IHO1: variants seen among roughly 807,000 people sequenced by gnomAD.
IHO1 encodes interactor of HORMAD1 1.
In IHO1, 13 loss-of-function variants were observed where a neutral mutation model predicts 31.0. The observed-to-expected ratio is 0.42, with a 90% CI of 0.27 to 0.67. IHO1 has a LOEUF of 0.67. Ranked by LOEUF, IHO1 falls within the 30% of genes least tolerant of loss-of-function variation. The probability of loss-of-function intolerance (pLI) is 0.24; values close to 1 mark genes in which losing one functional copy is unlikely to be tolerated. For synonymous variants in IHO1, 221 were observed against 248.4 expected, an observed-to-expected ratio of 0.89 and a Z score of 1.04; for missense variants, 599 against 687.5, an observed-to-expected ratio of 0.87 and a Z score of 1.44.
At chr3:49,243,337 G>T (rs1234007076) in intron 4 of IHO1, among the ~76,000 whole-genome samples, 1 of 151,696 alleles carries the variant, frequency 6.6e-6, no homozygotes, top group Non-Finnish European at 1.5e-5. Flanking sequence ...TAGAGACGGG[G>T]TTTCAGCATG....
intron 1 of IHO1, among the ~76,000 whole-genome samples, chr3:49,200,212 C>T (rs2046034871): frequency 6.6e-6 from 1 of 152,090 alleles, no homozygotes; most frequent in Non-Finnish European, 1.5e-5. Flanking sequence ...CGGTGGCTCA[C>T]GCCACACTTT....
At chr3:49,211,006 G>GC (rs762232590) in intron 1 of IHO1, among the ~76,000 whole-genome samples, 1 of 116,716 alleles carries the variant, frequency 8.6e-6, no homozygotes, top group Non-Finnish European at 1.8e-5. Flanking sequence ...TCTCCATTTA[G>GC]TTTTTTTTTT....
chr3:49,244,358 T>A (rs905281253), intron 4 of IHO1, 46 bp from the exon 5 acceptor site: 1 of 1,146,500 alleles, frequency 8.7e-7, no homozygotes. Flanking sequence ...ACTTATCACT[T>A]CAATATTTCA....
chr3:49,232,245 C>T (rs1349288772), intron 2 of IHO1, among the ~76,000 whole-genome samples: 1 of 152,202 alleles, frequency 6.6e-6, no homozygotes, highest in Non-Finnish European at 1.5e-5. Context: ...GGATGAATCT[C>T]TCCCTGAAAC....
In IHO1 at chr3:49,256,104, C is replaced by T. The variant is rs756469754; in HGVS notation, c.637-30C>T. On this transcript the variant is annotated intron_variant, in intron 7 of 7. Coordinates refer to ENST00000452691, the MANE Select transcript of IHO1 (RefSeq NM_001135197.2). This position sits in a 1 kb window ranked among gnomAD's most constrained non-coding sequence, Gnocchi z 4.6. Reference sequence around the variant, plus strand: ...GTGCTTTCTGACTTGCACTGTCCATCACTGTCTTTCTCACTGCCTCTCTCC... The same window carrying T: ...GTGCTTTCTGACTTGCACTGTCCATTACTGTCTTTCTCACTGCCTCTCTCC... 11 of 1,561,276 alleles carry T rather than the reference C, an allele frequency of 7.0e-6. No individual in the cohort carries two copies. The East Asian group carries it at 9.0e-5, about 13-fold the overall frequency.
chr3:49,201,282 C>G (rs1163383617), intron 1 of IHO1, among the ~76,000 whole-genome samples: 1 of 151,500 alleles, frequency 6.6e-6, no homozygotes, highest in South Asian at 2.1e-4. Flanking sequence ...CATGAACCAC[C>G]GCACCCGGCC....
rs1347475472 is a variant in IHO1, at chr3:49,256,666, C to A, written c.1169C>A (p.Ala390Asp). The stretch of plus-strand genomic sequence containing the variant: ...GACAGGGACCTGGTTTCCCAAGGAG[C>A]CTCACAGCTCACATCATTGGAGATA... ...PSDRDLVSQG[A>D]SQLTSLEINF... Residue 390 changes from alanine (A) to aspartate (D), a missense_variant, in exon 8 of 8, where the codon GCC becomes GAC. Ala to Asp is a moderately radical substitution (Grantham distance 126, BLOSUM62 -2). Transcript: ENST00000452691. This position sits in a 1 kb window ranked among gnomAD's most constrained non-coding sequence, Gnocchi z 4.6. 6.2e-7 allele frequency: 1 copy of A among 1,614,226 alleles called. No homozygotes were observed. The highest frequency in any genetic ancestry group is 1.3e-5 in the African/African-American group (1 of 75,064).
At chr3:49,243,757 C>CAAA (rs1158612762) in intron 4 of IHO1, among the ~76,000 whole-genome samples, 6 of 44,516 alleles carry the variant, frequency 1.3e-4, no homozygotes, top group East Asian at 7.2e-4. Flanking sequence ...GACTCTGTCT[C>CAAA]AAAAAAAAAA....
At position 49,207,994 on chromosome 3, in the gene IHO1, G is replaced by T. The variant is rs541213011; in HGVS notation, c.-15-3772G>T. 1.7e-3 allele frequency among the ~76,000 whole-genome samples: 257 copies of T among 151,708 alleles called. 10 individuals are homozygous for T. In the South Asian group the frequency reaches 0.051, roughly 30 times the overall value. On this transcript the variant is annotated intron_variant, in intron 1 of 7. Coordinates refer to ENST00000452691, the MANE Select transcript of IHO1 (RefSeq NM_001135197.2). ...TCACCACGTTAGCCAGGATGGTCTCGATCTCCTGACCTTTTGATCCGCCCG... is the reference window on the plus strand; with the variant it reads ...TCACCACGTTAGCCAGGATGGTCTCTATCTCCTGACCTTTTGATCCGCCCG...
At chr3:49,235,948 A>G (rs976785895) in intron 2 of IHO1, among the ~76,000 whole-genome samples, 1 of 131,016 alleles carries the variant, frequency 7.6e-6, no homozygotes, top group African/African-American at 2.8e-5. Flanking sequence ...AAAAAAAAAG[A>G]TAACATTCTT....
chr3:49,244,860 T>C, intron 6 of IHO1, 127 bp downstream of exon 6: 1 of 816,828 alleles, frequency 1.2e-6, no homozygotes. Flanking sequence ...GATGGGTATA[T>C]AGGGTTAGTC....
At chr3:49,205,761 G>C (rs1351793906) in intron 1 of IHO1, among the ~76,000 whole-genome samples, 16 of 132,048 alleles carry the variant, frequency 1.2e-4, no homozygotes. Context: ...CACTGCGCCT[G>C]GGCAATTTTT....
intron 1 of IHO1, among the ~76,000 whole-genome samples, chr3:49,202,638 A>G (rs2046084117): frequency 6.6e-6 from 1 of 151,276 alleles, no homozygotes; most frequent in Admixed American, 6.6e-5. Context: ...GGCCTCCCAA[A>G]GTGCTGGGAT....
intron 1 of IHO1, chr3:49,200,619 T>TACCC: frequency 1.0e-6 from 1 of 977,258 alleles, no homozygotes; most frequent in Non-Finnish European, 1.2e-6. Flanking sequence ...CTCCCTTGTG[T>TACCC]ACCCACCCTG....
chr3:49,237,595 G>A (rs1372048217), intron 3 of IHO1, among the ~76,000 whole-genome samples: 6 of 151,730 alleles, frequency 4.0e-5, no homozygotes, highest in East Asian at 1.9e-4. Context: ...CCTAGGGAGA[G>A]GCAAATATAT....
chr3:49,210,430 C>G (rs1224858187), intron 1 of IHO1, among the ~76,000 whole-genome samples: 1 of 151,420 alleles, frequency 6.6e-6, no homozygotes, highest in Non-Finnish European at 1.5e-5. Flanking sequence ...CAGAGTCTCA[C>G]TCGATCGCCC....
At chr3:49,247,970 C>T (rs1294041168) in intron 6 of IHO1, among the ~76,000 whole-genome samples, 1 of 151,036 alleles carries the variant, frequency 6.6e-6, no homozygotes, top group Non-Finnish European at 1.5e-5. Context: ...ACTAAAAATA[C>T]ATAAATTAGC....
chr3:49,206,384 C>T (rs1217607392), intron 1 of IHO1, among the ~76,000 whole-genome samples: 1 of 151,478 alleles, frequency 6.6e-6, no homozygotes, highest in Non-Finnish European at 1.5e-5. Flanking sequence ...GCGTGAGCCA[C>T]CGCTCCCGGC....
At position 49,219,810 on chromosome 3, in the gene IHO1, T is replaced by C. The variant is rs535815776; in HGVS notation, c.56+7974T>C. 8.7e-4 allele frequency among the ~76,000 whole-genome samples: 133 copies of C among 152,256 alleles called. 1 individual carries two copies. In the South Asian group the frequency reaches 9.3e-3, roughly 11 times the overall value. On this transcript the variant is annotated intron_variant, in intron 2 of 7. Coordinates refer to ENST00000452691, the MANE Select transcript of IHO1 (RefSeq NM_001135197.2). ...AGCATCAGGGTAACAATGGGACAAG[T>C]GTGGGCTCTGGTTCGTTCCACCTTG...
Sources: gnomAD v4.1 joint callset for allele counts (sites outside exome capture counted in the v4.1 genomes callset) on GRCh38, gnomAD v4.1.1 for gene constraint, Gnocchi (gnomAD v3.1) non-coding constraint, MANE v1.5 for transcripts, NCBI Gene and HGNC (gene_info 2026-07-23, HGNC 2026-07-21) for gene names.